The following TAOK1 variants were observed in gnomAD, a reference collection of about 807,000 sequenced individuals.
TAOK1 encodes serine/threonine-protein kinase TAO1.
Under a neutral mutation model 138.3 loss-of-function variants are expected in TAOK1, and 21 were observed. The observed-to-expected ratio is 0.15, with a 90% CI of 0.11 to 0.22. The LOEUF is 0.22. Among genes scored for constraint, TAOK1 ranks in the 10% least tolerant of loss-of-function variants. The probability of loss-of-function intolerance (pLI) is 1.00; values close to 1 mark genes in which losing one functional copy is unlikely to be tolerated. For synonymous variants in TAOK1, 361 were observed against 398.4 expected (o/e 0.91, Z 1.12); for missense variants, 651 against 1,227.7 (o/e 0.53, Z 7.02).
chr17:29,530,758 C>T lies in TAOK1; in HGVS notation c.2361+139C>T, dbSNP rs561133676. The T allele has an allele frequency of 7.6e-4, 536 of 702,336 alleles. 7 individuals are homozygous for T. The South Asian group carries it at 9.4e-3, about 12-fold the overall frequency. The allele number at this position is 702,336 out of a possible 1,614,324, so 43.5% of individuals were successfully genotyped here. ...GGGAAATGTGGTGGTGGTTCATTTTCTTCCTGTTCTCAACATTGCTTGAAA... is the reference window on the plus strand; with the variant it reads ...GGGAAATGTGGTGGTGGTTCATTTTTTTCCTGTTCTCAACATTGCTTGAAA... On this transcript the variant is annotated intron_variant, in intron 18 of 19. Transcript: ENST00000261716.
chr17:29,466,364 G>T (rs747919416), intron 2 of TAOK1, among the ~76,000 whole-genome samples: 1 of 152,032 alleles, frequency 6.6e-6, no homozygotes. Flanking sequence ...GGCTGATCTC[G>T]AACTGCTGAC....
In TAOK1 at chr17:29,544,172, T is replaced by C. The variant is rs2032365804; in HGVS notation, c.*1150T>C. On this transcript the variant is annotated 3_prime_UTR_variant, in exon 20 of 20. Transcript: ENST00000261716. ...TGTTATCTCCTTTTGGCTTATGTGATTTTCTGTTTACAAGTAGAATAGCCA... is the reference window on the plus strand; with the variant it reads ...TGTTATCTCCTTTTGGCTTATGTGACTTTCTGTTTACAAGTAGAATAGCCA... 6.6e-6 allele frequency: 1 copy of C among 152,634 alleles called. No individual in the cohort carries two copies. Among genetic ancestry groups the C allele is most frequent in the Admixed American group, 6.5e-5 (1 of 15,270 alleles). 9.5% of individuals were successfully genotyped at this position (152,634 alleles called of 1,614,324 possible). A position where few individuals can be genotyped will look rare whatever the true frequency, so the allele number is the denominator to read the frequency against.
intron 14 of TAOK1, 87 bp from the exon 15 acceptor site, chr17:29,510,776 GA>G: frequency 1.0e-6 from 1 of 962,894 alleles, no homozygotes; most frequent in Non-Finnish European, 1.4e-6. Context: ...CTTGTTCTTA[GA>G]AAATAAAAGG....
chr17:29,439,615 AT>A (rs1367842424), intron 1 of TAOK1, among the ~76,000 whole-genome samples: 2 of 152,000 alleles, frequency 1.3e-5, no homozygotes, highest in African/African-American at 2.4e-5. Flanking sequence ...TTACCTGTGT[AT>A]TTTTTTGTCT....
intron 1 of TAOK1, among the ~76,000 whole-genome samples, chr17:29,415,514 G>T (rs11652799): frequency 1.3e-5 from 2 of 151,962 alleles, no homozygotes; most frequent in South Asian, 2.1e-4. Context: ...ATTATTTCCC[G>T]TTAAAAAAAT....
chr17:29,517,518 G>A lies in TAOK1; in HGVS notation c.1770G>A (p.Glu590=), dbSNP rs567655815. 6.2e-7 allele frequency: 1 copy of A among 1,614,070 alleles called. No homozygotes were observed. The highest frequency in any genetic ancestry group is 1.3e-5 in the African/African-American group (1 of 75,008). Residue 590 remains glutamate (E), a synonymous_variant, in exon 16 of 20, where the codon GAG becomes GAA. Transcript: ENST00000261716. ...AGGAGTGGCTTTCAAAGCAGAAGGA[G>A]AATATACAGCATTTCCAAGCAGAAG... The part of the protein sequence containing the change: ...EKQEWLSKQK[E]NIQHFQAEEE...
chr17:29,453,325 A>G (rs1418967437), intron 2 of TAOK1, among the ~76,000 whole-genome samples: 2 of 151,038 alleles, frequency 1.3e-5, no homozygotes, highest in Admixed American at 1.3e-4. Context: ...ACGCCCGGCT[A>G]ATTTTTTGTA....
chr17:29,397,656 T>C (rs1369748630), intron 1 of TAOK1, among the ~76,000 whole-genome samples: 1 of 127,794 alleles, frequency 7.8e-6, no homozygotes, highest in Non-Finnish European at 1.6e-5. Context: ...ATATGTATAT[T>C]CATGTATGAT....
At chr17:29,505,935 A>G (rs1339058173) in intron 13 of TAOK1, among the ~76,000 whole-genome samples, 1 of 152,188 alleles carries the variant, frequency 6.6e-6, no homozygotes, top group Non-Finnish European at 1.5e-5. Flanking sequence ...CCTGTCTTTG[A>G]AAAAGAATTG....
At position 29,495,616 on chromosome 17, in the gene TAOK1, G is replaced by A. The variant is rs2031397237; in HGVS notation, c.888G>A (p.Arg296=). Residue 296 remains arginine, a synonymous_variant, in exon 11 of 20, where the codon AGG becomes AGA. Transcript: ENST00000261716. The stretch of plus-strand genomic sequence containing the variant: ...CCGTGTTAATAGATCTCATTCAGAG[G>A]ACAAAGGATGCAGTAAGAGAGCTGG... ...PETVLIDLIQ[R]TKDAVRELDN... The A allele has an allele frequency of 1.2e-6, 2 of 1,611,700 alleles. No individual in the cohort carries two copies. The highest frequency in any genetic ancestry group is 1.3e-5 in the African/African-American group (1 of 74,846).
intron 2 of TAOK1, among the ~76,000 whole-genome samples, chr17:29,454,356 C>T (rs895114846): frequency 1.3e-5 from 2 of 151,922 alleles, no homozygotes; most frequent in Non-Finnish European, 2.9e-5. Context: ...GGTTTTATTC[C>T]TCCAACTTTG....
At chr17:29,481,698 G>C (rs375979957) in intron 7 of TAOK1, among the ~76,000 whole-genome samples, 2 of 151,080 alleles carry the variant, frequency 1.3e-5, no homozygotes, top group African/African-American at 4.9e-5. Flanking sequence ...GGTGGATCAC[G>C]CCTGTAATCC....
At chr17:29,438,708 C>T (rs73276503) in intron 1 of TAOK1, among the ~76,000 whole-genome samples, 1,918 of 152,202 alleles carry the variant, frequency 0.013, 44 homozygotes, top group African/African-American at 0.042. Flanking sequence ...ACAAATAAAG[C>T]TATCAGATTC....
intron 1 of TAOK1, among the ~76,000 whole-genome samples, chr17:29,423,513 A>G (rs934726347): frequency 2.6e-5 from 4 of 151,688 alleles, no homozygotes; most frequent in African/African-American, 7.3e-5. Context: ...CACTGCGCCC[A>G]GCCTCTTCTA....
chr17:29,493,939 CAG>C (rs1236431587), intron 10 of TAOK1, among the ~76,000 whole-genome samples: 4 of 151,716 alleles, frequency 2.6e-5, no homozygotes, highest in Admixed American at 6.6e-5. Flanking sequence ...GTTTTTGAGA[CAG>C]AGTCTTGCTC....
At chr17:29,503,151 C>T (rs2031561634) in intron 13 of TAOK1, among the ~76,000 whole-genome samples, 1 of 152,062 alleles carries the variant, frequency 6.6e-6, no homozygotes, top group Non-Finnish European at 1.5e-5. Flanking sequence ...AATCCCAGCA[C>T]TTTGGGAGGC....
chr17:29,539,786 G>A (rs981975884), intron 19 of TAOK1, among the ~76,000 whole-genome samples: 3 of 151,980 alleles, frequency 2.0e-5, no homozygotes, highest in Admixed American at 6.6e-5. Context: ...AGGATAAGGT[G>A]GGAGGATAGC....
intron 2 of TAOK1, among the ~76,000 whole-genome samples, chr17:29,457,654 T>C (rs1243678664): frequency 1.3e-3 from 171 of 134,868 alleles, no homozygotes; most frequent in Middle Eastern, 9.4e-3. Flanking sequence ...GATCCACCCA[T>C]CTCGGCCTCC....
At chr17:29,537,574 C>G (rs1390852046) in intron 19 of TAOK1, among the ~76,000 whole-genome samples, 1 of 147,812 alleles carries the variant, frequency 6.8e-6, no homozygotes, top group African/African-American at 2.5e-5. Flanking sequence ...CCAGGCTGGT[C>G]TCAAACTCCT....
Sources: allele counts gnomAD v4.1 joint callset (sites outside exome capture counted in the v4.1 genomes callset), GRCh38; gene constraint gnomAD v4.1.1; transcripts MANE v1.5; gene names NCBI Gene and HGNC (gene_info 2026-07-23, HGNC 2026-07-21).